PDE4DIP: variants seen among roughly 807,000 people sequenced by gnomAD.
PDE4DIP encodes phosphodiesterase 4D interacting protein, also known as myomegalin.
In PDE4DIP, 59 loss-of-function variants were observed where a neutral mutation model predicts 221.4. The observed-to-expected ratio is 0.27, with a 90% CI of 0.22 to 0.33. PDE4DIP has a LOEUF of 0.33. PDE4DIP is among the 10% of genes least tolerant of loss of function. The probability of loss-of-function intolerance (pLI) is 1.00; values close to 1 mark genes in which losing one functional copy is unlikely to be tolerated. For synonymous variants in PDE4DIP, 404 were observed against 815.9 expected (o/e 0.50, Z 8.60); for missense variants, 1,036 against 2,154.2 (o/e 0.48, Z 10.28).
intron 14 of PDE4DIP, 83 bp downstream of exon 17, chr1:148,969,113 G>A: frequency 1.3e-6 from 1 of 759,946 alleles, no homozygotes; most frequent in South Asian, 1.7e-5. Flanking sequence ...GACTATAGAT[G>A]TGTGTATATT....
intron 1 of PDE4DIP, among the ~76,000 whole-genome samples, chr1:148,903,177 CAT>C (rs1553447930): frequency 1.5e-5 from 2 of 136,312 alleles, no homozygotes; most frequent in African/African-American, 6.0e-5. Context: ...AGCCTTTTTT[CAT>C]ATGTTTGTTG....
intron 1 of PDE4DIP, among the ~76,000 whole-genome samples, chr1:148,893,089 G>C (rs1412260217): frequency 6.0e-5 from 8 of 133,752 alleles, no homozygotes; most frequent in Non-Finnish European, 1.3e-4. Context: ...GTGTGTGTGT[G>C]TGTGTGTGTG....
chr1:149,031,837 C>T lies in PDE4DIP; in HGVS notation c.7000-107C>T, dbSNP rs75809560. 320 of 1,010,754 alleles carry T rather than the reference C, an allele frequency of 3.2e-4. 1 individual carries two copies. The East Asian group carries it at 3.3e-3, about 10-fold the overall frequency. 62.6% of individuals were successfully genotyped at this position (1,010,754 alleles called of 1,614,324 possible). A position where few individuals can be genotyped will look rare whatever the true frequency, so the allele number is the denominator to read the frequency against. On this transcript the variant is annotated intron_variant, in intron 43 of 43. Coordinates refer to ENST00000369354, the Ensembl canonical transcript of PDE4DIP. ...GCTCATCCTCTTAACTGGCTCTCAC[C>T]GTGCTCCTGGCTTTGGTCACCACGT...
chr1:148,821,104 G>GC (rs1281758590), intron 1 of PDE4DIP, among the ~76,000 whole-genome samples: 14 of 149,414 alleles, frequency 9.4e-5, no homozygotes, highest in African/African-American at 3.5e-4. Flanking sequence ...GCCCGCCTCG[G>GC]CCTCCCAATG....
chr1:148,996,725 G>A (rs880000904), intron 22 of PDE4DIP, among the ~76,000 whole-genome samples: 22 of 152,320 alleles, frequency 1.4e-4, no homozygotes, highest in Middle Eastern at 6.8e-3. Flanking sequence ...CAGTGGCTTC[G>A]CACCAACCCC....
chr1:148,817,960 G>A (rs1668200635), intron 1 of PDE4DIP, among the ~76,000 whole-genome samples: 2 of 145,492 alleles, frequency 1.4e-5, no homozygotes, highest in South Asian at 2.2e-4. Context: ...GGGATTACAG[G>A]CACCCACCAC....
chr1:148,940,593 C>A (rs1241772231), intron 5 of PDE4DIP, among the ~76,000 whole-genome samples: 4 of 151,978 alleles, frequency 2.6e-5, no homozygotes, highest in Admixed American at 6.6e-5. Flanking sequence ...GACCCATGCA[C>A]CACCCTGAGA....
chr1:148,953,029 A>G (rs369455440), intron 5 of PDE4DIP: 15 of 1,614,068 alleles, frequency 9.3e-6, no homozygotes, highest in African/African-American at 4.0e-5. Flanking sequence ...AAAAGCTGCT[A>G]CTGGAGAAGG....
At chr1:148,998,425 C>T (rs782722930) in intron 23 of PDE4DIP, 50 bp downstream of exon 26, 10 of 1,028,134 alleles carry the variant, frequency 9.7e-6, no homozygotes, top group Middle Eastern at 2.6e-4. Flanking sequence ...TGAGGCACCA[C>T]AGCCAAGGGG....
At chr1:148,995,967 T>C (rs587606583) in intron 22 of PDE4DIP, among the ~76,000 whole-genome samples, 2 of 151,050 alleles carry the variant, frequency 1.3e-5, no homozygotes, top group East Asian at 3.9e-4. Context: ...AAGTCCACTT[T>C]GAGATGGAAA....
chr1:149,029,885 C>G lies in PDE4DIP; in HGVS notation c.6912C>G (p.Asn2304Lys), dbSNP rs200934017. 1.4e-5 allele frequency: 23 copies of G among 1,594,446 alleles called. No individual in the cohort carries two copies. The African/African-American group carries it at 2.3e-4, about 16-fold the overall frequency. ...CAACTGAGCATCTGAAGAACGCCAA[C>G]CAGCAGAAGGAGAGCATGGAGCAGT... Residue 2304 changes from asparagine (N) to lysine (K), a missense_variant, in exon 42 of 44, where the codon AAC (asparagine) becomes AAG (lysine). Physicochemically the swap from Asn to Lys is moderately conservative, Grantham distance 94 (BLOSUM62 0). Transcript: ENST00000369354.
chr1:148,984,200 G>A (rs587651871), intron 21 of PDE4DIP: 7 of 152,164 alleles, frequency 4.6e-5, no homozygotes, highest in Admixed American at 1.3e-4. Context: ...ATTGGACTAA[G>A]TTAGTAGGTC....
At chr1:149,029,884 A>G (rs782112519) in exon 42 of PDE4DIP, 21 of 1,597,008 alleles carry the variant, frequency 1.3e-5, no homozygotes, top group African/African-American at 9.5e-5. Context: ...AAGAACGCCA[A>G]CCAGCAGAAG....
At chr1:149,011,217 G>C (rs1162684815) in intron 31 of PDE4DIP, among the ~76,000 whole-genome samples, 1 of 120,496 alleles carries the variant, frequency 8.3e-6, no homozygotes. Context: ...GGGATGGCAA[G>C]AAAAGGCAAA....
chr1:149,000,209 C>A (rs2065283910), intron 23 of PDE4DIP, among the ~76,000 whole-genome samples: 1 of 152,172 alleles, frequency 6.6e-6, no homozygotes, highest in Non-Finnish European at 1.5e-5. Context: ...TTGTGAATTA[C>A]CCATTTCCTG....
chr1:148,968,999 A>G (rs202017066), exon 14 of PDE4DIP: 2 of 1,609,690 alleles, frequency 1.2e-6, no homozygotes. Context: ...GGCCTGCTTC[A>G]GTCTGTGAGC....
rs879992171 is a variant in PDE4DIP, at chr1:149,013,770, T to A, written c.5266+994T>A. Among the ~76,000 whole-genome samples the A allele has an allele frequency of 5.0e-3, 458 of 92,374 alleles. 18 individuals carry two copies. Among genetic ancestry groups the A allele is most frequent in the Admixed American group, 0.041 (313 of 7,682 alleles). The allele number at this position is 92,374 out of a possible 152,430, so 60.6% of individuals were successfully genotyped here. Reference sequence around the variant, plus strand: ...TGTCATGTGGACCAGCATATTTCTTTCCTTCTTCCTCTTTTTTTTTTTTTT... The same window carrying A: ...TGTCATGTGGACCAGCATATTTCTTACCTTCTTCCTCTTTTTTTTTTTTTT... On this transcript the variant is annotated intron_variant, in intron 32 of 43. Coordinates refer to ENST00000369354, the Ensembl canonical transcript of PDE4DIP.
rs1295795322 is a variant in PDE4DIP at position 148,864,400 on chromosome 1, A to G, written c.289+1095A>G. On this transcript the variant is annotated intron_variant, in intron 2 of 45. Transcript: ENST00000524974. Reference sequence around the variant, plus strand: ...TGTTACTATTAATGTATTCCTAACAACAGCACAATTATTACTACACTAACA... The same window carrying G: ...TGTTACTATTAATGTATTCCTAACAGCAGCACAATTATTACTACACTAACA... Among the ~76,000 whole-genome samples, 9 of 139,138 alleles carry G rather than the reference A, an allele frequency of 6.5e-5. 1 individual carries two copies. Among genetic ancestry groups the G allele is most frequent in the Non-Finnish European group, 4.8e-5 (3 of 62,640 alleles). 91.3% of individuals were successfully genotyped at this position (139,138 alleles called of 152,430 possible). A position where few individuals can be genotyped will look rare whatever the true frequency, so the allele number is the denominator to read the frequency against.
intron 1 of PDE4DIP, among the ~76,000 whole-genome samples, chr1:148,813,809 T>C: frequency 7.8e-6 from 1 of 127,798 alleles, no homozygotes; most frequent in Admixed American, 7.3e-5. Flanking sequence ...GATGTACAGT[T>C]GTTCTAACAC....
Sources: gnomAD v4.1 joint callset for allele counts (sites outside exome capture counted in the v4.1 genomes callset) on GRCh38, gnomAD v4.1.1 for gene constraint, MANE v1.5 for transcripts, NCBI Gene and HGNC (gene_info 2026-07-23, HGNC 2026-07-21) for gene names.